The following BGN variants were observed in gnomAD, a reference collection of about 807,000 sequenced individuals.
The protein encoded by BGN is biglycan, also known as bone/cartilage proteoglycan-I.
A neutral mutation model predicts 20.0 loss-of-function variants in BGN; 6 were observed. That is an observed-to-expected ratio of 0.30 (90% CI 0.16 to 0.59). The LOEUF (loss-of-function observed/expected upper bound fraction) is 0.59. Ranked by LOEUF, BGN falls within the 20% of genes least tolerant of loss-of-function variation. BGN has a pLI of 0.88. For synonymous variants in BGN, 146 were observed against 134.6 expected, an observed-to-expected ratio of 1.08 and a Z score of -0.59; for missense variants, 292 against 312.1, an observed-to-expected ratio of 0.94 and a Z score of 0.49.
intron 1 of BGN, among the ~76,000 whole-genome samples, chrX:153,502,185 C>T (rs1556992022): frequency 1.8e-5 from 2 of 112,351 alleles, no homozygotes; most frequent in African/African-American, 6.5e-5. Flanking sequence ...TCAGATGGTC[C>T]TCTGTCCCCT....
intron 1 of BGN, among the ~76,000 whole-genome samples, chrX:153,502,892 G>A (rs928121183): frequency 1.8e-5 from 2 of 112,794 alleles, no homozygotes; most frequent in African/African-American, 3.2e-5. Context: ...AGGCCTGGCA[G>A]CCGCTATAGC....
chrX:153,499,586 C>T (rs905923554), intron 1 of BGN, among the ~76,000 whole-genome samples: 7 of 113,170 alleles, frequency 6.2e-5, no homozygotes, highest in Non-Finnish European at 1.3e-4. Context: ...GGGCATGCTC[C>T]GGCAACGGCA....
chrX:153,500,589 G>T (rs2089749739), intron 1 of BGN, among the ~76,000 whole-genome samples: 1 of 112,776 alleles, frequency 8.9e-6, no homozygotes, highest in Non-Finnish European at 1.9e-5. Context: ...GTGTATGTAT[G>T]TGTATATGTA....
chrX:153,505,169 T>G, intron 2 of BGN, 69 bp from the exon 3 acceptor site: 2 of 914,177 alleles, frequency 2.2e-6, no homozygotes, highest in Non-Finnish European at 3.1e-6. Context: ...GGTCTCGAGT[T>G]CATGCTGGTG....
At chrX:153,501,112 C>T (rs1358879702) in intron 1 of BGN, among the ~76,000 whole-genome samples, 1 of 108,379 alleles carries the variant, frequency 9.2e-6, no homozygotes, top group African/African-American at 3.4e-5. Flanking sequence ...TGTGTGTGCA[C>T]GTGTGTACAT....
At chrX:153,500,903 GTA>G (rs1326158919) in intron 1 of BGN, among the ~76,000 whole-genome samples, 6 of 111,663 alleles carry the variant, frequency 5.4e-5, no homozygotes, top group Non-Finnish European at 1.1e-4. Flanking sequence ...GTGCATCTGT[GTA>G]TATATGTGTG....
chrX:153,500,062 G>A (rs782168465), intron 1 of BGN, among the ~76,000 whole-genome samples: 1 of 113,423 alleles, frequency 8.8e-6, no homozygotes, highest in East Asian at 2.8e-4. Flanking sequence ...AGCTCCCAGG[G>A]CCCGCCAGAC....
chrX:153,499,009 C>T (rs781806780), intron 1 of BGN, among the ~76,000 whole-genome samples: 115 of 112,414 alleles, frequency 1.0e-3, no homozygotes, highest in Non-Finnish European at 1.8e-3. Flanking sequence ...GGCAAGGACA[C>T]AGACGGACAG....
Position 153,508,605 on chromosome X carries a change from C to T in BGN, c.*160C>T, listed in dbSNP as rs1341327989. ...TGACCCCAGCTCGATGCCCCATCAC[C>T]GCCTCTCCCTGGCTCCCAAGGGTGC... On this transcript the variant is annotated 3_prime_UTR_variant, in exon 8 of 8. Transcript: ENST00000331595. 45 of 616,929 alleles carry T rather than the reference C, an allele frequency of 7.3e-5. No individual in the cohort carries two copies. Among genetic ancestry groups the T allele is most frequent in the Non-Finnish European group, 5.1e-5 (21 of 409,456 alleles). 50.8% of individuals were successfully genotyped at this position (616,929 alleles called of 1,213,427 possible). A position where few individuals can be genotyped will look rare whatever the true frequency, so the allele number is the denominator to read the frequency against.
At chrX:153,495,652 A>G (rs1279670616) in intron 1 of BGN, 1 of 111,721 alleles carries the variant, frequency 9.0e-6, no homozygotes, top group African/African-American at 3.3e-5. Context: ...CCTCCGCTGC[A>G]CTGCCTGAGG....
At chrX:153,497,878 C>T (rs1293330599) in intron 1 of BGN, among the ~76,000 whole-genome samples, 5 of 112,530 alleles carry the variant, frequency 4.4e-5, no homozygotes, top group Non-Finnish European at 7.5e-5. Flanking sequence ...TTCGCTGTTT[C>T]GCTGTTTGCC....
chrX:153,500,092 G>A (rs782766961), intron 1 of BGN, among the ~76,000 whole-genome samples: 29 of 113,279 alleles, frequency 2.6e-4, no homozygotes, highest in African/African-American at 7.7e-4. Flanking sequence ...TGCTCCCGCC[G>A]CCCTTGGCCT....
At chrX:153,504,910 C>T (rs782741646) in intron 2 of BGN, 41 bp downstream of exon 2, 3 of 1,131,165 alleles carry the variant, frequency 2.7e-6, no homozygotes, top group Non-Finnish European at 2.4e-6. Context: ...TGCAGGGAGG[C>T]TCAGGTGCAG....
rs2089817865 is a variant in BGN at position 153,508,278 on chromosome X, A to G, written c.940A>G (p.Lys314Glu). 1 of 1,211,936 alleles carries G rather than the reference A, an allele frequency of 8.3e-7. No homozygotes were observed. The highest frequency in any genetic ancestry group is 1.1e-6 in the Non-Finnish European group (1 of 895,544). Residue 314 changes from lysine (K) to glutamate (E), a missense_variant, in exon 8 of 8, where the codon AAA becomes GAA. By Grantham distance (56) the Lys-to-Glu change is moderately conservative. Transcript: ENST00000331595. ...VVYLHSNNITKVGVNDFCPMG... is the reference protein window; with the variant it reads ...VVYLHSNNITEVGVNDFCPMG... Reference sequence around the variant, plus strand: ...CTATCTGCACTCCAACAACATCACCAAAGTGGGTGTCAACGACTTCTGTCC... The same window carrying G: ...CTATCTGCACTCCAACAACATCACCGAAGTGGGTGTCAACGACTTCTGTCC...
intron 1 of BGN, among the ~76,000 whole-genome samples, chrX:153,496,047 C>T (rs936550573): frequency 7.1e-5 from 8 of 112,113 alleles, no homozygotes; most frequent in Admixed American, 1.9e-4. Flanking sequence ...GCTCCATGGG[C>T]GGGGCTGGGT....
Position 153,506,895 on chromosome X carries a change from G to C in BGN, c.742G>C (p.Asp248His), listed in dbSNP as rs1556993318. 35 of 1,209,882 alleles carry C rather than the reference G, an allele frequency of 2.9e-5. No individual in the cohort carries two copies. Among genetic ancestry groups the C allele is most frequent in the Non-Finnish European group, 3.6e-5 (32 of 894,997 alleles). Residue 248 changes from aspartate (D) to histidine (H), a missense_variant, in exon 6 of 8, where the codon GAC becomes CAC. Transcript: ENST00000331595. ...HNKIQAIELE[D>H]LLRYSKLYRL... ...CAAAATCCAGGCCATCGAACTGGAG[G>C]ACCTGCTTCGCTACTCCAAGCTGTA...
At chrX:153,495,734 G>A (rs782757791) in intron 1 of BGN, among the ~76,000 whole-genome samples, 2 of 112,707 alleles carry the variant, frequency 1.8e-5, no homozygotes, top group East Asian at 2.8e-4. Context: ...GATGTTCCTC[G>A]CTCGCTCACC....
intron 1 of BGN, among the ~76,000 whole-genome samples, chrX:153,501,267 T>G (rs1462200433): frequency 1.8e-5 from 2 of 111,980 alleles, no homozygotes; most frequent in African/African-American, 6.5e-5. Flanking sequence ...TGTGAGGTGG[T>G]GGGGAGAAGG....
intron 1 of BGN, among the ~76,000 whole-genome samples, chrX:153,496,948 G>GCCCCCCC (rs782676136): frequency 7.5e-4 from 43 of 57,179 alleles, no homozygotes; most frequent in African/African-American, 2.4e-3. Context: ...TGCTTCCCGG[G>GCCCCCCC]CCCACCCCCC....
Sources: gnomAD v4.1 joint callset for allele counts (sites outside exome capture counted in the v4.1 genomes callset) on GRCh38, gnomAD v4.1.1 for gene constraint, MANE v1.5 for transcripts, NCBI Gene and HGNC (gene_info 2026-07-23, HGNC 2026-07-21) for gene names.